Variants in GSK3B observed in about 807,000 individuals in gnomAD.
GSK3B encodes the protein glycogen synthase kinase 3 beta.
In GSK3B, 15 loss-of-function variants were observed where a neutral mutation model predicts 56.4. That is an observed-to-expected ratio of 0.27 (90% CI 0.18 to 0.41). GSK3B has a LOEUF of 0.41. Among genes scored for constraint, GSK3B ranks in the 10% least tolerant of loss-of-function variants. The probability of loss-of-function intolerance (pLI) is 1.00; values close to 1 mark genes in which losing one functional copy is unlikely to be tolerated. For synonymous variants in GSK3B, 181 were observed against 188.9 expected, an observed-to-expected ratio of 0.96 and a Z score of 0.34; for missense variants, 300 against 513.4, an observed-to-expected ratio of 0.58 and a Z score of 4.02.
At chr3:119,919,723 T>C (rs990011740) in intron 4 of GSK3B, among the ~76,000 whole-genome samples, 19 of 152,102 alleles carry the variant, frequency 1.2e-4, no homozygotes, top group Admixed American at 9.2e-4. Flanking sequence ...TTGTTCACTA[T>C]AGCAAAAACC....
At chr3:120,052,768 T>A (rs996727836) in intron 1 of GSK3B, among the ~76,000 whole-genome samples, 5 of 152,040 alleles carry the variant, frequency 3.3e-5, no homozygotes, top group Non-Finnish European at 7.4e-5. Flanking sequence ...GCTTAGAAAA[T>A]CAAAATCCTG....
chr3:119,911,699 C>A (rs2056736204), intron 6 of GSK3B, among the ~76,000 whole-genome samples: 1 of 152,214 alleles, frequency 6.6e-6, no homozygotes, highest in African/African-American at 2.4e-5. Context: ...GCAGCTTCTA[C>A]ATCAGCACTT....
At chr3:120,013,257 A>G (rs541412852) in intron 1 of GSK3B, among the ~76,000 whole-genome samples, 1 of 152,318 alleles carries the variant, frequency 6.6e-6, no homozygotes, top group South Asian at 2.1e-4. Flanking sequence ...GGTGTCTGGC[A>G]CTGACACTCT....
intron 10 of GSK3B, among the ~76,000 whole-genome samples, chr3:119,827,585 TAAA>T (rs1156408098): frequency 4.7e-5 from 2 of 42,114 alleles, no homozygotes; most frequent in Admixed American, 3.3e-4. Context: ...ATACCGTCTT[TAAA>T]AAAAAAAAAA....
intron 2 of GSK3B, among the ~76,000 whole-genome samples, chr3:119,989,488 T>C (rs774642720): frequency 1.5e-4 from 23 of 151,456 alleles, no homozygotes; most frequent in Admixed American, 5.9e-4. Flanking sequence ...ACTTAAAAAA[T>C]ACAAAAATTA....
chr3:120,053,624 C>T (rs1450197581), intron 1 of GSK3B, among the ~76,000 whole-genome samples: 1 of 152,162 alleles, frequency 6.6e-6, no homozygotes, highest in Non-Finnish European at 1.5e-5. Flanking sequence ...CATTAAACGG[C>T]CCCTGAATGG....
intron 10 of GSK3B, among the ~76,000 whole-genome samples, chr3:119,827,869 C>T (rs571554678): frequency 7.1e-6 from 1 of 141,712 alleles, no homozygotes; most frequent in African/African-American, 2.5e-5. Context: ...TTAATGGGTA[C>T]AAAAAAAAAA....
At chr3:120,017,998 T>TC (rs2057841342) in intron 1 of GSK3B, among the ~76,000 whole-genome samples, 1 of 152,204 alleles carries the variant, frequency 6.6e-6, no homozygotes, top group Non-Finnish European at 1.5e-5. Context: ...ATTGAGAAGA[T>TC]AATGCAGTTA....
At chr3:119,957,550 T>C (rs1026880801) in intron 2 of GSK3B, among the ~76,000 whole-genome samples, 2 of 152,220 alleles carry the variant, frequency 1.3e-5, no homozygotes, top group Non-Finnish European at 2.9e-5. Flanking sequence ...TAACCCTGTA[T>C]CTTTGAGAGC....
rs557484301 is a variant in GSK3B, at chr3:119,966,087, T to C, written c.283-18736A>G. Among the ~76,000 whole-genome samples, 6 of 152,248 alleles carry C rather than the reference T, an allele frequency of 3.9e-5. 1 individual carries two copies. The highest frequency in any genetic ancestry group is 2.6e-4 in the Admixed American group (4 of 15,284). ...TTCACATAGACTATAAACTCCTTGA[T>C]TGCACAGACTGTTCATATGTCTCCT... is the stretch of plus-strand genomic sequence containing the variant. On this transcript the variant is annotated intron_variant, in intron 2 of 10. Transcript: ENST00000264235.
At chr3:120,083,765 T>C (rs1205423130) in intron 1 of GSK3B, among the ~76,000 whole-genome samples, 1 of 152,142 alleles carries the variant, frequency 6.6e-6, no homozygotes, top group Non-Finnish European at 1.5e-5. Flanking sequence ...CAAATGTCCA[T>C]CAACTAATAA....
chr3:120,087,650 A>C (rs1404742782), intron 1 of GSK3B, among the ~76,000 whole-genome samples: 1 of 152,214 alleles, frequency 6.6e-6, no homozygotes, highest in African/African-American at 2.4e-5. Context: ...GCTGTTGTTA[A>C]CCATGGTACT....
chr3:119,856,767 G>A (rs1325831836), intron 9 of GSK3B, among the ~76,000 whole-genome samples: 1 of 151,868 alleles, frequency 6.6e-6, no homozygotes, highest in Non-Finnish European at 1.5e-5. Context: ...TTCTATTGAT[G>A]TGTCCTACAC....
intron 1 of GSK3B, among the ~76,000 whole-genome samples, chr3:120,023,754 A>G (rs1248742031): frequency 6.6e-6 from 1 of 152,198 alleles, no homozygotes; most frequent in African/African-American, 2.4e-5. Flanking sequence ...TGTACCTGAC[A>G]ATCTAGGTAC....
At chr3:119,879,326 G>C (rs2056352488) in intron 7 of GSK3B, among the ~76,000 whole-genome samples, 1 of 151,998 alleles carries the variant, frequency 6.6e-6, no homozygotes, top group Non-Finnish European at 1.5e-5. Flanking sequence ...GACTACAGGT[G>C]CCCACCACCA....
At chr3:120,052,215 T>G (rs1306288786) in intron 1 of GSK3B, among the ~76,000 whole-genome samples, 1 of 152,180 alleles carries the variant, frequency 6.6e-6, no homozygotes, top group Non-Finnish European at 1.5e-5. Context: ...TTTAAAAGAA[T>G]AGTACAATTT....
intron 1 of GSK3B, chr3:120,041,297 T>C (rs2058063231): frequency 3.4e-6 from 1 of 290,362 alleles, no homozygotes; most frequent in Non-Finnish European, 7.0e-6. Flanking sequence ...AAGTGGTAGA[T>C]AACCTTCCAG....
chr3:119,922,200 GGGAA>G (rs2056847439), intron 4 of GSK3B, among the ~76,000 whole-genome samples: 2 of 111,080 alleles, frequency 1.8e-5, no homozygotes, highest in East Asian at 2.4e-4. Context: ...TAGGTAGGTA[GGGAA>G]GGAGGGAAGG....
At chr3:120,015,649 C>CAAAAA (rs61520236) in intron 1 of GSK3B, among the ~76,000 whole-genome samples, 16 of 46,948 alleles carry the variant, frequency 3.4e-4, no homozygotes, top group Non-Finnish European at 4.0e-4. Flanking sequence ...GACTCTGTCT[C>CAAAAA]AAAAAAAAAA....
Sources: gnomAD v4.1 joint callset for allele counts (sites outside exome capture counted in the v4.1 genomes callset) on GRCh38, gnomAD v4.1.1 for gene constraint, MANE v1.5 for transcripts, NCBI Gene and HGNC (gene_info 2026-07-23, HGNC 2026-07-21) for gene names.